PPP2R2B: variants seen among roughly 807,000 people sequenced by gnomAD.
PPP2R2B encodes protein phosphatase 2 regulatory subunit Bbeta, also known as serine/threonine-protein phosphatase 2A 55 kDa regulatory subunit B beta isoform.
PPP2R2B carries 5 observed loss-of-function variants against 46.0 expected under a neutral mutation model. That is an observed-to-expected ratio of 0.11 (90% CI 0.06 to 0.23). PPP2R2B has a LOEUF of 0.23. PPP2R2B is among the 10% of genes least tolerant of loss of function. PPP2R2B has a pLI of 1.00. For synonymous variants in PPP2R2B, 215 were observed against 206.7 expected (o/e 1.04, Z -0.34); for missense variants, 367 against 575.0 (o/e 0.64, Z 3.70).
intron 1 of PPP2R2B, among the ~76,000 whole-genome samples, chr5:146,895,259 T>C (rs560375305): frequency 6.6e-6 from 1 of 152,330 alleles, no homozygotes; most frequent in South Asian, 2.1e-4. Context: ...TTAGTCATCT[T>C]TTCAAGAGGA....
intron 2 of PPP2R2B, chr5:146,856,621 G>A: frequency 1.7e-5 from 24 of 1,448,220 alleles, no homozygotes; most frequent in Non-Finnish European, 2.3e-5. Flanking sequence ...GACTCCAGGA[G>A]GTAGTGATGC....
intron 1 of PPP2R2B, among the ~76,000 whole-genome samples, chr5:146,917,324 T>C (rs1763426561): frequency 1.3e-5 from 2 of 152,172 alleles, no homozygotes; most frequent in African/African-American, 2.4e-5. Flanking sequence ...AATGCTTGTG[T>C]TTTCCGATGC....
chr5:147,036,170 C>G (rs553083154), intron 1 of PPP2R2B, among the ~76,000 whole-genome samples: 1 of 152,288 alleles, frequency 6.6e-6, no homozygotes, highest in African/African-American at 2.4e-5. Context: ...TCCTCCCACC[C>G]TCCACCTTCC....
intron 1 of PPP2R2B, among the ~76,000 whole-genome samples, chr5:147,038,921 A>G (rs932206694): frequency 6.6e-6 from 1 of 152,236 alleles, no homozygotes; most frequent in African/African-American, 2.4e-5. Flanking sequence ...TTTAAAAAGT[A>G]TAATGAAGTA....
chr5:146,818,816 C>T (rs1758087935), intron 2 of PPP2R2B, among the ~76,000 whole-genome samples: 2 of 152,158 alleles, frequency 1.3e-5, no homozygotes, highest in Admixed American at 6.6e-5. Context: ...TATCTTCTTC[C>T]ATGAATTCCT....
At chr5:146,779,064 G>A (rs770878755) in intron 2 of PPP2R2B, among the ~76,000 whole-genome samples, 1 of 152,168 alleles carries the variant, frequency 6.6e-6, no homozygotes, top group African/African-American at 2.4e-5. Context: ...CATTTGATTC[G>A]TGGGCTGAGC....
intron 2 of PPP2R2B, among the ~76,000 whole-genome samples, chr5:146,750,015 G>A (rs1202867599): frequency 6.6e-6 from 1 of 152,124 alleles, no homozygotes; most frequent in Non-Finnish European, 1.5e-5. Context: ...GAGTTCAATT[G>A]CACCAGTGCC....
intron 2 of PPP2R2B, among the ~76,000 whole-genome samples, chr5:146,832,393 T>A (rs1759008826): frequency 1.4e-5 from 2 of 140,188 alleles, no homozygotes; most frequent in African/African-American, 5.3e-5. Context: ...TTTTTTTTTT[T>A]TTTTTTTTTT....
rs149566262 is a variant in PPP2R2B at position 146,777,262 on chromosome 5, G to A, written c.71-76120C>T. Among the ~76,000 whole-genome samples the A allele has an allele frequency of 2.8e-3, 425 of 152,154 alleles. 2 individuals carry two copies. The highest frequency in any genetic ancestry group is 9.3e-3 in the African/African-American group (388 of 41,548). ...GAAGAACGAATAAATAAAATGTGGCGCATATGTAAATGAAATATTATCCAG... is the reference window on the plus strand; with the variant it reads ...GAAGAACGAATAAATAAAATGTGGCACATATGTAAATGAAATATTATCCAG... On this transcript the variant is annotated intron_variant, in intron 2 of 9. Coordinates refer to ENST00000394411, the MANE Select transcript of PPP2R2B (RefSeq NM_181675.4).
Position 146,620,577 on chromosome 5 carries a change from G to A in PPP2R2B, c.790+17674C>T, listed in dbSNP as rs1168337156. Among the ~76,000 whole-genome samples, 8 of 152,160 alleles carry A rather than the reference G, an allele frequency of 5.3e-5. No individual in the cohort carries two copies. In the East Asian group the frequency reaches 1.4e-3, roughly 26 times the overall value. The stretch of plus-strand genomic sequence containing the variant: ...CTTTCACTCTCTGCAAGGTTGGTGA[G>A]TGGCAAAAGTGTCCATGGGCCTCTA... On this transcript the variant is annotated intron_variant, in intron 7 of 9. Coordinates refer to ENST00000394411, the MANE Select transcript of PPP2R2B (RefSeq NM_181675.4).
At chr5:146,673,442 T>G (rs1777499005) in intron 5 of PPP2R2B, among the ~76,000 whole-genome samples, 2 of 151,460 alleles carry the variant, frequency 1.3e-5, no homozygotes, top group African/African-American at 2.4e-5. Flanking sequence ...GAACTTTTTT[T>G]GGGTTTGTTT....
At chr5:146,614,967 AG>A (rs1465450908) in intron 7 of PPP2R2B, among the ~76,000 whole-genome samples, 1,888 of 125,310 alleles carry the variant, frequency 0.015, 375 homozygotes, top group African/African-American at 0.07. Context: ...ATCTAGAACT[AG>A]AAATCCCATT....
At chr5:147,046,647 A>G (rs1025137007) in intron 1 of PPP2R2B, among the ~76,000 whole-genome samples, 5 of 152,246 alleles carry the variant, frequency 3.3e-5, no homozygotes, top group Non-Finnish European at 7.3e-5. Context: ...ACAGGCAAAC[A>G]GTAGTCAAGG....
rs78920915 is a variant in PPP2R2B at position 146,963,261 on chromosome 5, G to C, written c.79+92404C>G. 7.2e-3 allele frequency among the ~76,000 whole-genome samples: 1,091 copies of C among 152,246 alleles called. 39 individuals are homozygous for C. The East Asian group carries it at 0.098, about 14-fold the overall frequency. ...CATGAGATTTGCTGTCTTCATGGAG[G>C]TTTTGTGTAGTGAAACATTGGGCTG... On this transcript the variant is annotated intron_variant, in intron 1 of 8. Coordinates refer to the PPP2R2B transcript ENST00000336640.
intron 2 of PPP2R2B, among the ~76,000 whole-genome samples, chr5:146,816,179 G>A (rs1329480354): frequency 6.6e-6 from 1 of 152,144 alleles, no homozygotes. Flanking sequence ...TGAGGCAGGA[G>A]GCTCGCTTGA....
At chr5:146,882,888 T>A (rs1762210900), upstream of PPP2R2B, among the ~76,000 whole-genome samples, 1 of 152,216 alleles carries the variant, frequency 6.6e-6, no homozygotes, top group African/African-American at 2.4e-5. Flanking sequence ...ATACACAGCC[T>A]TCTTATGTTA....
intron 2 of PPP2R2B, among the ~76,000 whole-genome samples, chr5:146,855,017 G>T (rs1223344089): frequency 6.6e-6 from 1 of 152,002 alleles, no homozygotes; most frequent in Non-Finnish European, 1.5e-5. Context: ...GAGGAATAGG[G>T]GGCATAAAAG....
intron 2 of PPP2R2B, among the ~76,000 whole-genome samples, chr5:146,853,192 A>T (rs532266924): frequency 1.3e-5 from 2 of 152,178 alleles, no homozygotes; most frequent in Non-Finnish European, 2.9e-5. Context: ...TGTTGAGGCC[A>T]TAGAATTAGA....
At chr5:147,072,617 G>A (rs1196586109) in intron 2 of PPP2R2B, among the ~76,000 whole-genome samples, 1 of 152,084 alleles carries the variant, frequency 6.6e-6, no homozygotes, top group Admixed American at 6.5e-5. Context: ...ATATCTTAGT[G>A]TTGCAGCAAA....
Sources: allele counts gnomAD v4.1 joint callset (sites outside exome capture counted in the v4.1 genomes callset), GRCh38; gene constraint gnomAD v4.1.1; transcripts MANE v1.5; gene names NCBI Gene and HGNC (gene_info 2026-07-23, HGNC 2026-07-21).